The following LRRC69 variants were observed in gnomAD, a reference collection of about 807,000 sequenced individuals.
LRRC69 encodes leucine-rich repeat-containing protein 69.
Under a neutral mutation model 37.8 loss-of-function variants are expected in LRRC69, and 42 were observed. The ratio of observed to expected loss-of-function variants is 1.11; its 90% CI spans 0.87 to 1.44. LRRC69 has a LOEUF of 1.44. LRRC69 is among the 40% of genes most tolerant of loss of function. The pLI is 0.00. For missense variants in LRRC69, 357 were observed against 401.9 expected (o/e 0.89, Z 0.96); for synonymous variants, 141 against 143.1 (o/e 0.99, Z 0.11).
intron 1 of LRRC69, among the ~76,000 whole-genome samples, chr8:91,114,422 G>A (rs530029171): frequency 6.7e-6 from 1 of 149,448 alleles, no homozygotes; most frequent in Non-Finnish European, 1.5e-5. Flanking sequence ...ATGGACAAAT[G>A]AATAAAGAAA....
chr8:91,178,316 T>C (rs1411748810), intron 5 of LRRC69, among the ~76,000 whole-genome samples: 1 of 152,226 alleles, frequency 6.6e-6, no homozygotes, highest in Non-Finnish European at 1.5e-5. Context: ...TGTGCTACAA[T>C]TGATATGGCC....
At chr8:91,151,660 A>C (rs1808740003) in intron 5 of LRRC69, among the ~76,000 whole-genome samples, 1 of 151,724 alleles carries the variant, frequency 6.6e-6, no homozygotes, top group Non-Finnish European at 1.5e-5. Context: ...TATTATACCC[A>C]GTAATGGGAT....
intron 5 of LRRC69, among the ~76,000 whole-genome samples, chr8:91,149,748 T>A (rs930411713): frequency 6.6e-6 from 1 of 151,856 alleles, no homozygotes; most frequent in African/African-American, 2.4e-5. Flanking sequence ...GTTTGTATCC[T>A]CTTTTACTTC....
At chr8:91,164,828 A>G (rs1474791243) in intron 5 of LRRC69, among the ~76,000 whole-genome samples, 25 of 151,642 alleles carry the variant, frequency 1.6e-4, no homozygotes, top group Admixed American at 1.6e-3. Context: ...CTTAATTACT[A>G]GTAGTGATTT....
chr8:91,158,362 T>C (rs35275465), intron 5 of LRRC69: 94,010 of 1,437,970 alleles, frequency 0.065, 3,679 homozygotes, highest in Middle Eastern at 0.12. Context: ...AATCTTGGTA[T>C]TTAGATGACA....
At chr8:91,219,030 C>G, downstream of LRRC69, 1 of 1,272,520 alleles carries the variant, frequency 7.9e-7, no homozygotes. Context: ...CATAGCCTCA[C>G]TCCACTTGCC....
chr8:91,175,780 GGACTAAGTTCTGAGTAAGACGT>G (rs1809213189), intron 5 of LRRC69, among the ~76,000 whole-genome samples: 1 of 150,828 alleles, frequency 6.6e-6, no homozygotes, highest in Non-Finnish European at 1.5e-5. Context: ...ATCTTGAAAA[GGACTAAGTTCTGAGTAAGACGT>G]GACACCACCG....
rs533177550 is a variant in LRRC69 at position 91,174,775 on chromosome 8, T to C, written c.652-14747T>C. Among the ~76,000 whole-genome samples, 6 of 152,330 alleles carry C rather than the reference T, an allele frequency of 3.9e-5. No homozygotes were observed. The East Asian group carries it at 1.2e-3, about 29-fold the overall frequency. ...TTTGTAGAGTCTGGTTACTGCTCAT[T>C]CCAGCTTTTCTTTGTAACTAGTGCT... On this transcript the variant is annotated intron_variant, in intron 5 of 7. Coordinates refer to ENST00000448384, the Ensembl canonical transcript of LRRC69.
intron 6 of LRRC69, among the ~76,000 whole-genome samples, chr8:91,190,085 A>G (rs1809468843): frequency 6.6e-6 from 1 of 152,198 alleles, no homozygotes; most frequent in Non-Finnish European, 1.5e-5. Flanking sequence ...CTTTGGTAAT[A>G]GACAAGTCAG....
At chr8:91,202,097 T>A (rs1586284806) in intron 7 of LRRC69, among the ~76,000 whole-genome samples, 1 of 152,040 alleles carries the variant, frequency 6.6e-6, no homozygotes, top group East Asian at 1.9e-4. Flanking sequence ...TCCCAGCTTC[T>A]TGGGAGACTG....
At chr8:91,197,568 G>A (rs1404704195) in intron 6 of LRRC69, among the ~76,000 whole-genome samples, 1 of 152,094 alleles carries the variant, frequency 6.6e-6, no homozygotes, top group Non-Finnish European at 1.5e-5. Context: ...TAAGCCCGTC[G>A]GAAAAGCGCA....
rs936172284 is a variant in LRRC69 at position 91,158,810 on chromosome 8, G to A, written c.651+23071G>A. ...AGAAAAACCAATGATTCATAACAAT[G>A]TATGTGAAAGTGTAAAATAGAATGT... On this transcript the variant is annotated intron_variant, in intron 5 of 7. Transcript: ENST00000448384. 9 of 720,664 alleles carry A rather than the reference G, an allele frequency of 1.2e-5. No individual in the cohort carries two copies. The African/African-American group carries it at 1.4e-4, about 11-fold the overall frequency. The allele number at this position is 720,664 out of a possible 1,614,324, so 44.6% of individuals were successfully genotyped here.
intron 5 of LRRC69, among the ~76,000 whole-genome samples, chr8:91,176,172 G>T (rs1363470904): frequency 8.1e-6 from 1 of 124,116 alleles, no homozygotes; most frequent in Non-Finnish European, 1.6e-5. Context: ...GTCTCACTCT[G>T]TCACCAGGCT....
At chr8:91,193,073 C>T (rs1286889613) in intron 6 of LRRC69, among the ~76,000 whole-genome samples, 2 of 146,696 alleles carry the variant, frequency 1.4e-5, no homozygotes, top group East Asian at 2.0e-4. Flanking sequence ...TATGGCTAGC[C>T]AGTTTTCCCA....
chr8:91,157,625 A>G, intron 5 of LRRC69: 1 of 1,567,176 alleles, frequency 6.4e-7, no homozygotes, highest in Non-Finnish European at 8.8e-7. Flanking sequence ...GAAGACTTTC[A>G]GGAATCTAAT....
intron 5 of LRRC69, among the ~76,000 whole-genome samples, chr8:91,152,941 A>G (rs1808767053): frequency 6.6e-6 from 1 of 151,330 alleles, no homozygotes; most frequent in Admixed American, 6.6e-5. Flanking sequence ...CAAATTGGAT[A>G]AAGTGTCAAG....
At chr8:91,145,301 C>A (rs563013406) in intron 5 of LRRC69, among the ~76,000 whole-genome samples, 1 of 151,986 alleles carries the variant, frequency 6.6e-6, no homozygotes, top group African/African-American at 2.4e-5. Flanking sequence ...TGAATATCTC[C>A]ACAATATAGT....
At chr8:91,214,806 A>T (rs563106656) in intron 7 of LRRC69, among the ~76,000 whole-genome samples, 16 of 144,826 alleles carry the variant, frequency 1.1e-4, no homozygotes, top group Admixed American at 2.1e-4. Flanking sequence ...CTTGACAGAA[A>T]TTTTTTTTTT....
Position 91,153,279 on chromosome 8 carries a change from C to T in LRRC69, c.651+17540C>T, listed in dbSNP as rs571807117. On this transcript the variant is annotated intron_variant, in intron 5 of 7. Transcript: ENST00000448384. ...ACACAATAATAGTAGGAGACTTTAACGCCCCACTGTCAATATTAGATCATT... is the reference window on the plus strand; with the variant it reads ...ACACAATAATAGTAGGAGACTTTAATGCCCCACTGTCAATATTAGATCATT... Among the ~76,000 whole-genome samples the T allele has an allele frequency of 2.6e-4, 40 of 151,350 alleles. 1 individual carries two copies. In the South Asian group the frequency reaches 3.3e-3, roughly 13 times the overall value.
Sources: gnomAD v4.1 joint callset for allele counts (sites outside exome capture counted in the v4.1 genomes callset) on GRCh38, gnomAD v4.1.1 for gene constraint, MANE v1.5 for transcripts, NCBI Gene and HGNC (gene_info 2026-07-23, HGNC 2026-07-21) for gene names.